Variants in ATF6 observed in about 807,000 individuals in gnomAD.
The protein encoded by ATF6 is cyclic AMP-dependent transcription factor ATF-6 alpha.
A neutral mutation model predicts 83.6 loss-of-function variants in ATF6; 53 were observed. The observed-to-expected ratio is 0.63, with a 90% CI of 0.51 to 0.80. ATF6 has a LOEUF of 0.80. Among genes scored for constraint, ATF6 ranks in the 30% least tolerant of loss-of-function variants. The pLI is 0.00. For missense variants in ATF6, 744 were observed against 797.9 expected, an observed-to-expected ratio of 0.93 and a Z score of 0.81; for synonymous variants, 288 against 285.8, an observed-to-expected ratio of 1.01 and a Z score of -0.08.
intron 1 of ATF6, among the ~76,000 whole-genome samples, chr1:161,772,992 G>C (rs1217108366): frequency 1.6e-5 from 2 of 122,300 alleles, no homozygotes; most frequent in African/African-American, 6.2e-5. Context: ...TTTTGAGACA[G>C]AGTCTTGCTC....
intron 12 of ATF6, among the ~76,000 whole-genome samples, chr1:161,853,799 T>C (rs997962686): frequency 2.6e-5 from 4 of 152,160 alleles, no homozygotes; most frequent in Non-Finnish European, 5.9e-5. Context: ...TAAGTGGGGG[T>C]TCCATCTCAA....
chr1:161,839,165 G>A (rs1158718644), intron 9 of ATF6, among the ~76,000 whole-genome samples: 1 of 151,998 alleles, frequency 6.6e-6, no homozygotes, highest in African/African-American at 2.4e-5. Context: ...TTATTTATTT[G>A]TTTATTTTTT....
intron 9 of ATF6, among the ~76,000 whole-genome samples, chr1:161,843,382 T>A (rs1686403743): frequency 6.6e-6 from 1 of 152,182 alleles, no homozygotes; most frequent in South Asian, 2.1e-4. Flanking sequence ...TTATCTTTCA[T>A]CTTTGAGTCA....
chr1:161,928,496 T>G (rs1395648330), intron 15 of ATF6, among the ~76,000 whole-genome samples: 1 of 152,190 alleles, frequency 6.6e-6, no homozygotes, highest in Non-Finnish European at 1.5e-5. Flanking sequence ...AAGCTATAGC[T>G]TTCTTATCAT....
chr1:161,886,030 A>T (rs566390560), intron 14 of ATF6, among the ~76,000 whole-genome samples: 1 of 152,316 alleles, frequency 6.6e-6, no homozygotes, highest in African/African-American at 2.4e-5. Context: ...AGAGCACTAC[A>T]TTCATCAAGG....
intron 14 of ATF6, among the ~76,000 whole-genome samples, chr1:161,892,782 C>T (rs544575093): frequency 4.6e-5 from 7 of 151,948 alleles, no homozygotes; most frequent in Admixed American, 3.9e-4. Flanking sequence ...GGACTACAGG[C>T]GCATGCCACC....
At chr1:161,919,871 A>G (rs993009550) in intron 15 of ATF6, among the ~76,000 whole-genome samples, 5 of 152,256 alleles carry the variant, frequency 3.3e-5, no homozygotes, top group South Asian at 2.1e-4. Context: ...GTGCCAGCAC[A>G]TGCAACACAT....
chr1:161,810,114 A>C (rs983017132), intron 7 of ATF6, among the ~76,000 whole-genome samples: 1 of 152,216 alleles, frequency 6.6e-6, no homozygotes, highest in Non-Finnish European at 1.5e-5. Context: ...GGTGGGTTTC[A>C]GTGTTTCCAT....
intron 9 of ATF6, among the ~76,000 whole-genome samples, chr1:161,823,504 T>G (rs1685813292): frequency 6.6e-6 from 1 of 152,212 alleles, no homozygotes; most frequent in South Asian, 2.1e-4. Context: ...GACTACTCAG[T>G]ATTTTCTTTA....
intron 1 of ATF6, among the ~76,000 whole-genome samples, chr1:161,772,971 T>G (rs372467734): frequency 4.1e-5 from 6 of 145,496 alleles, no homozygotes; most frequent in Non-Finnish European, 7.5e-5. Flanking sequence ...CTGTTTTTTT[T>G]TTTTTTTTTT....
At chr1:161,771,678 A>T (rs1368462046) in intron 1 of ATF6, among the ~76,000 whole-genome samples, 1 of 152,024 alleles carries the variant, frequency 6.6e-6, no homozygotes, top group African/African-American at 2.4e-5. Context: ...CGGTGGAGCA[A>T]TCACAGCTCA....
chr1:161,772,588 A>G (rs952847131), intron 1 of ATF6, among the ~76,000 whole-genome samples: 70 of 152,042 alleles, frequency 4.6e-4, no homozygotes, highest in Non-Finnish European at 1.3e-4. Flanking sequence ...GTCCTTCCAT[A>G]TGTGCTTTAG....
At position 161,958,537 on chromosome 1, in the gene ATF6, A is replaced by G. The variant is rs9482; in HGVS notation, c.1896A>G (p.Ser632=). ...DTRILHIKSS[S]VPPYLRDQQR... ...GGATCCTCCATATCAAAAGTTCGTC[A>G]GTTCCTCCTTACCTCCGAGATCAGC... The change falls in exon 16 of 16, where the codon TCA becomes TCG. Residue 632 remains serine, a synonymous_variant. Transcript: ENST00000367942. 0.71 allele frequency: 1,147,193 copies of G among 1,613,144 alleles called. 416,509 individuals are homozygous for G. Among genetic ancestry groups the G allele is most frequent in the Non-Finnish European group, 0.75 (887,266 of 1,179,640 alleles).
intron 4 of ATF6, among the ~76,000 whole-genome samples, chr1:161,790,288 A>G (rs560183384): frequency 1.1e-4 from 16 of 152,206 alleles, no homozygotes; most frequent in Non-Finnish European, 2.1e-4. Context: ...TTTTATTTTT[A>G]TATTATAATC....
Position 161,813,731 on chromosome 1 carries a change from C to T in ATF6, c.910-5902C>T, listed in dbSNP as rs2340714. On this transcript the variant is annotated intron_variant, in intron 7 of 15. Coordinates refer to ENST00000367942, the MANE Select transcript of ATF6 (RefSeq NM_007348.4). ...TATGTAAATACACCCTACAAGGTGA[C>T]GTGATTTATTTTTATTTTTATTTTT... Among the ~76,000 whole-genome samples, 1,344 of 152,098 alleles carry T rather than the reference C, an allele frequency of 8.8e-3. 22 individuals are homozygous for T. The highest frequency in any genetic ancestry group is 0.031 in the African/African-American group (1,282 of 41,480).
Position 161,948,744 on chromosome 1 carries a change from G to A in ATF6, c.1805-9702G>A, listed in dbSNP as rs555944966. 1.2e-4 allele frequency among the ~76,000 whole-genome samples: 18 copies of A among 152,234 alleles called. No individual in the cohort carries two copies. In the East Asian group the frequency reaches 1.5e-3, roughly 13 times the overall value. The stretch of plus-strand genomic sequence containing the variant: ...GGGCTGCATGTTGCAGAACTTAAAC[G>A]GAGCAATAAAACTATTTATAAATCC... On this transcript the variant is annotated intron_variant, in intron 15 of 15. Transcript: ENST00000367942.
At chr1:161,949,978 A>G (rs1468769568) in intron 15 of ATF6, among the ~76,000 whole-genome samples, 2 of 152,206 alleles carry the variant, frequency 1.3e-5, no homozygotes, top group African/African-American at 2.4e-5. Context: ...CTGCTTTCTG[A>G]CTGCATATAA....
At chr1:161,914,360 C>A (rs1688048479) in intron 15 of ATF6, among the ~76,000 whole-genome samples, 1 of 152,158 alleles carries the variant, frequency 6.6e-6, no homozygotes, top group Admixed American at 6.5e-5. Context: ...TAACATCTTG[C>A]AAATCTGTCA....
At chr1:161,928,281 A>T (rs551951634) in intron 15 of ATF6, among the ~76,000 whole-genome samples, 31 of 152,188 alleles carry the variant, frequency 2.0e-4, no homozygotes, top group Non-Finnish European at 3.8e-4. Context: ...GCAGAACTAA[A>T]TACGAGTTTA....
Sources: gnomAD v4.1 joint callset for allele counts (sites outside exome capture counted in the v4.1 genomes callset) on GRCh38, gnomAD v4.1.1 for gene constraint, MANE v1.5 for transcripts, NCBI Gene and HGNC (gene_info 2026-07-23, HGNC 2026-07-21) for gene names.